Variants in SCART1 observed in about 807,000 individuals in gnomAD.
SCART1 encodes scavenger receptor family member expressed on T cells 1, also known as scavenger receptor cysteine-rich domain-containing protein SCART1.
In SCART1, 62 loss-of-function variants were observed where a neutral mutation model predicts 36.2. That is an observed-to-expected ratio of 1.71 (90% CI 1.40 to 2.12). The LOEUF (loss-of-function observed/expected upper bound fraction) is 2.12, where lower values mean the gene tolerates loss of function less well. SCART1 is among the 30% of genes most tolerant of loss of function. The pLI is 0.00. For missense variants in SCART1, 1,041 were observed against 540.5 expected (o/e 1.93, Z -9.18); for synonymous variants, 487 against 238.7 (o/e 2.04, Z -9.59).
chr10:133,468,088 A>G (rs1478972472), exon 12 of SCART1: 4 of 572,230 alleles, frequency 7.0e-6, no homozygotes, highest in African/African-American at 3.7e-5. Flanking sequence ...AATGTCCTCC[A>G]TGTCCATGTA....
In SCART1 at chr10:133,460,525, ATATTTATT is replaced by A. The variant is rs67784742; in HGVS notation, c.1969+377_1969+384del. On this transcript the variant is annotated intron_variant, in intron 6 of 11. Coordinates refer to ENST00000640237, the Ensembl canonical transcript of SCART1. ...TAAAAAATATTTTATATTTATTTAA[ATATTTATT>A]TATTTATTTATTTATTTATTTTGAG... Among the ~76,000 whole-genome samples, 8 of 134,334 alleles carry A rather than the reference ATATTTATT, an allele frequency of 6.0e-5. No individual in the cohort carries two copies. In the East Asian group the frequency reaches 6.3e-4, roughly 11 times the overall value. The allele number at this position is 134,334 out of a possible 152,430, so 88.1% of individuals were successfully genotyped here. A position where few individuals can be genotyped will look rare whatever the true frequency, so the allele number is the denominator to read the frequency against.
chr10:133,459,872 C>G (rs1342495655), exon 6 of SCART1: 2 of 553,764 alleles, frequency 3.6e-6, no homozygotes, highest in Non-Finnish European at 6.3e-6. Flanking sequence ...CTCTGTCTCT[C>G]CACAGGGAGC....
Position 133,459,601 on chromosome 10 carries a change from GC to G in SCART1, c.1401del (p.Ala468ArgfsTer31). 1 of 671,930 alleles carries G rather than the reference GC, an allele frequency of 1.5e-6. No individual in the cohort carries two copies. The highest frequency in any genetic ancestry group is 2.7e-6 in the Non-Finnish European group (1 of 369,066). 41.6% of individuals were successfully genotyped at this position (671,930 alleles called of 1,614,324 possible). A position where few individuals can be genotyped will look rare whatever the true frequency, so the allele number is the denominator to read the frequency against. On this transcript the variant is annotated frameshift_variant, in exon 6 of 12. Transcript: ENST00000640237. LOFTEE classifies it high-confidence loss of function. ...CTGGACGATGCCTGGGACCTGCGCG[GC>G]GCGGGCGTGGTGTGCCGGCAACTCG...
At chr10:133,465,924 G>T (rs1480074438) in intron 9 of SCART1, 1 of 674,712 alleles carries the variant, frequency 1.5e-6, no homozygotes, top group Non-Finnish European at 2.7e-6. Flanking sequence ...CAGCAGCAGT[G>T]GTAACTTTCC....
At chr10:133,456,806 C>T (rs1460261895) in intron 2 of SCART1, among the ~76,000 whole-genome samples, 6 of 152,124 alleles carry the variant, frequency 3.9e-5, no homozygotes, top group African/African-American at 1.2e-4. Flanking sequence ...AAGCAGAGTG[C>T]GGCCCAGGCG....
exon 6 of SCART1, chr10:133,459,620 G>A: frequency 1.5e-6 from 1 of 674,716 alleles, no homozygotes; most frequent in South Asian, 1.6e-5. Flanking sequence ...TGGTGTGCCG[G>A]CAACTCGGGT....
chr10:133,459,813 G>A (rs955339269), exon 6 of SCART1: 11 of 620,284 alleles, frequency 1.8e-5, no homozygotes, highest in African/African-American at 1.3e-4. Context: ...CGGTGAGGTC[G>A]GAACCGCGTC....
intron 9 of SCART1, chr10:133,466,004 T>A (rs950395401): frequency 1.5e-6 from 1 of 669,010 alleles, no homozygotes; most frequent in South Asian, 1.6e-5. Flanking sequence ...CTGGGGGCCA[T>A]GTTTTACCAA....
Position 133,456,385 on chromosome 10 carries a change from C to T in SCART1, c.216C>T (p.Gly72=), listed in dbSNP as rs900760107. ...TCGTGTGCAGGCAGCTGGGCTGCGG[C>T]CCTGCCGTGGGCGCCCCCAAGTATG... The change falls in exon 2 of 12, where the codon GGC becomes GGT. Residue 72 remains glycine, a synonymous_variant. Transcript: ENST00000640237. 23 of 702,798 alleles carry T rather than the reference C, an allele frequency of 3.3e-5. No homozygotes were observed. The African/African-American group carries it at 3.3e-4, about 10-fold the overall frequency. 43.5% of individuals were successfully genotyped at this position (702,798 alleles called of 1,614,324 possible). A position where few individuals can be genotyped will look rare whatever the true frequency, so the allele number is the denominator to read the frequency against.
At chr10:133,459,102 C>A (rs1171390964) in exon 5 of SCART1, 11 of 701,134 alleles carry the variant, frequency 1.6e-5, no homozygotes, top group Non-Finnish European at 2.6e-5. Context: ...CCCCTCTGTG[C>A]CACCCACTGG....
chr10:133,468,304 C>A, exon 12 of SCART1: 1 of 200,850 alleles, frequency 5.0e-6, no homozygotes, highest in Non-Finnish European at 1.0e-5. Flanking sequence ...TTCTGGCACC[C>A]AGCAGTGGGT....
chr10:133,465,946 C>G (rs1231938952), intron 9 of SCART1: 2 of 670,042 alleles, frequency 3.0e-6, no homozygotes, highest in Non-Finnish European at 5.5e-6. Flanking sequence ...TGAGCCACTC[C>G]CATTCTCTGT....
Position 133,454,030 on chromosome 10 carries a change from GC to G in SCART1, c.37del (p.Leu13PhefsTer3), listed in dbSNP as rs1213857458. ...CAGCTCTCTGGACCCTGGGACTCGG[GC>G]CCCTTCTTCTGAATCTCTGGGCAGT... On this transcript the variant is annotated frameshift_variant, in exon 1 of 12. Coordinates refer to ENST00000640237, the Ensembl canonical transcript of SCART1. LOFTEE classifies it high-confidence loss of function. 85 of 702,872 alleles carry G rather than the reference GC, an allele frequency of 1.2e-4. 1 individual carries two copies. The highest frequency in any genetic ancestry group is 2.0e-4 in the Non-Finnish European group (77 of 384,994). The allele number at this position is 702,872 out of a possible 1,614,324, so 43.5% of individuals were successfully genotyped here.
exon 9 of SCART1, chr10:133,465,297 G>T: frequency 1.5e-6 from 1 of 684,232 alleles, no homozygotes. Flanking sequence ...GCTGCTCCGG[G>T]CGCGTGGAGC....
exon 4 of SCART1, chr10:133,458,546 T>C (rs1443377622): frequency 8.8e-6 from 6 of 680,714 alleles, no homozygotes; most frequent in South Asian, 1.6e-5. Context: ...TCGGGGCCGG[T>C]GTGGACGGAG....
chr10:133,455,465 C>T (rs1460370868), intron 1 of SCART1, among the ~76,000 whole-genome samples: 3 of 151,872 alleles, frequency 2.0e-5, no homozygotes, highest in African/African-American at 2.4e-5. Flanking sequence ...TGACTGCCAT[C>T]GGGGAGGCTC....
rs1259902270 is a variant in SCART1 at position 133,465,358 on chromosome 10, GC to G, written c.2453del (p.Ala818GlyfsTer107). On this transcript the variant is annotated frameshift_variant, in exon 9 of 12. Coordinates refer to ENST00000640237, the Ensembl canonical transcript of SCART1. LOFTEE classifies it high-confidence loss of function. ...CGTGTGCGACGATGGCTGGGACCTG[GC>G]GGACGCGGAGGTCGTGTGCCGCCAG... The G allele has an allele frequency of 1.2e-5, 8 of 683,236 alleles. No individual in the cohort carries two copies. Among genetic ancestry groups the G allele is most frequent in the Non-Finnish European group, 2.1e-5 (8 of 376,892 alleles). The allele number at this position is 683,236 out of a possible 1,614,324, so 42.3% of individuals were successfully genotyped here.
chr10:133,458,034 T>C (rs1253069864), intron 3 of SCART1: 4 of 571,792 alleles, frequency 7.0e-6, no homozygotes, highest in Non-Finnish European at 1.3e-5. Flanking sequence ...TGGTGCTCAG[T>C]GGACCAAGGG....
intron 3 of SCART1, 63 bp downstream of exon 3, chr10:133,457,638 G>A: frequency 1.6e-6 from 1 of 608,170 alleles, no homozygotes; most frequent in Admixed American, 3.0e-5. Flanking sequence ...GACCTGGGGA[G>A]GGCAGGGAGA....
Sources: allele counts gnomAD v4.1 joint callset (sites outside exome capture counted in the v4.1 genomes callset), GRCh38; gene constraint gnomAD v4.1.1; transcripts MANE v1.5; gene names NCBI Gene and HGNC (gene_info 2026-07-23, HGNC 2026-07-21).